Variants in HDGF observed in about 807,000 individuals in gnomAD.
HDGF encodes heparin binding growth factor.
HDGF carries 5 observed loss-of-function variants against 30.0 expected under a neutral mutation model. That is an observed-to-expected ratio of 0.17 (90% CI 0.09 to 0.35). The LOEUF (loss-of-function observed/expected upper bound fraction) is 0.35. Ranked by LOEUF, HDGF falls within the 10% of genes least tolerant of loss-of-function variation. HDGF has a pLI of 1.00. For synonymous variants in HDGF, 133 were observed against 112.7 expected, an observed-to-expected ratio of 1.18 and a Z score of -1.14; for missense variants, 214 against 302.8, an observed-to-expected ratio of 0.71 and a Z score of 2.18.
upstream of HDGF, chr1:156,752,064 T>A (rs555897614): frequency 6.4e-7 from 1 of 1,551,526 alleles, no homozygotes; most frequent in South Asian, 1.2e-5. Flanking sequence ...CAGTTAAGTG[T>A]GGACGTCTGT....
chr1:156,745,176 A>G, intron 2 of HDGF, 30 bp from the exon 3 acceptor site: 1 of 1,613,708 alleles, frequency 6.2e-7, no homozygotes, highest in Non-Finnish European at 8.5e-7. Flanking sequence ...TGTGCTCTCA[A>G]GCCCCTCACT....
chr1:156,755,037 G>A (rs961148308), upstream of HDGF, among the ~76,000 whole-genome samples: 4 of 152,198 alleles, frequency 2.6e-5, no homozygotes, highest in African/African-American at 9.7e-5. Context: ...TGTTGCTGCT[G>A]CTTAGAACCA....
upstream of HDGF, among the ~76,000 whole-genome samples, chr1:156,754,781 T>TA (rs1651127901): frequency 6.6e-6 from 1 of 152,100 alleles, no homozygotes; most frequent in South Asian, 2.1e-4. Flanking sequence ...CCGTCTCTAC[T>TA]AAAAATACAA....
chr1:156,753,121 G>T (rs1018233069), upstream of HDGF, among the ~76,000 whole-genome samples: 7 of 152,208 alleles, frequency 4.6e-5, no homozygotes, highest in Non-Finnish European at 5.9e-5. Context: ...GCCTGCAGTT[G>T]TTCCCAGAGT....
Position 156,743,830 on chromosome 1 carries a change from TCTC to T in HDGF, c.535_537del (p.Glu179del). On this transcript the variant is annotated inframe_deletion, in exon 5 of 6. Coordinates refer to ENST00000357325, the MANE Select transcript of HDGF (RefSeq NM_004494.3). ...TCAACCTCCAAGGTGGCTGCCTCCT[TCTC>T]CTCTCCTTCAGGGTTTTCTGCCTCC... 6.2e-7 allele frequency: 1 copy of T among 1,612,612 alleles called. No individual in the cohort carries two copies. The highest frequency in any genetic ancestry group is 8.5e-7 in the Non-Finnish European group (1 of 1,179,266).
chr1:156,764,081 T>TTTTGTTTGTTTG (rs56669278), intron 1 of HDGF, among the ~76,000 whole-genome samples: 8 of 150,884 alleles, frequency 5.3e-5, no homozygotes, highest in African/African-American at 2.0e-4. Context: ...TTTTTTCTGT[T>TTTTGTTTGTTTG]TTTGTTTGTT....
chr1:156,743,845 G>T lies in HDGF; in HGVS notation c.523C>A (p.Pro175Thr), dbSNP rs761289151. The T allele has an allele frequency of 1.2e-6, 2 of 1,613,442 alleles. No individual in the cohort carries two copies. The highest frequency in any genetic ancestry group is 1.7e-6 in the Non-Finnish European group (2 of 1,179,678). ...SPKRPKEAENPEGEEKEAATL... is the reference protein window; with the variant it reads ...SPKRPKEAENTEGEEKEAATL... ...GCTGCCTCCTTCTCCTCTCCTTCAG[G>T]GTTTTCTGCCTCCTTGGGACGTTTA... Residue 175 changes from proline (P) to threonine (T), a missense_variant, in exon 5 of 6, where the codon CCT becomes ACT. Physicochemically the swap from Pro to Thr is conservative, Grantham distance 38 (BLOSUM62 -1). Coordinates refer to ENST00000357325, the MANE Select transcript of HDGF (RefSeq NM_004494.3).
At position 156,743,637 on chromosome 1, in the gene HDGF, AG is replaced by A; in HGVS notation, c.716+14del. ...CCCCTAGTCCAGCTGCCAAGGGGTCAGGGGGCTCACTCACCTCTCATGATCT... is the reference window on the plus strand; with the variant it reads ...CCCCTAGTCCAGCTGCCAAGGGGTCAGGGGCTCACTCACCTCTCATGATCT... On this transcript the variant is annotated intron_variant, in intron 5 of 5. Transcript: ENST00000357325. The A allele has an allele frequency of 6.3e-7, 1 of 1,598,500 alleles. No individual in the cohort carries two copies. The highest frequency in any genetic ancestry group is 8.6e-7 in the Non-Finnish European group (1 of 1,165,918).
chr1:156,751,681 C>G, upstream of HDGF: 2 of 1,113,606 alleles, frequency 1.8e-6, no homozygotes, highest in East Asian at 6.1e-5. The surrounding 1 kb of genome is among the most constrained non-coding windows in gnomAD (Gnocchi z 4.7). Flanking sequence ...GTTTGAAATT[C>G]AATTGCTCCC....
At chr1:156,746,085 C>T (rs1650523470) in intron 1 of HDGF, among the ~76,000 whole-genome samples, 1 of 152,230 alleles carries the variant, frequency 6.6e-6, no homozygotes, top group Non-Finnish European at 1.5e-5. Context: ...ATAGCCTCAG[C>T]TCCGCCATTA....
In HDGF at chr1:156,751,557, G is replaced by C. The variant is rs1650979638; in HGVS notation, c.-128C>G. The stretch of plus-strand genomic sequence containing the variant: ...GGCCCCCGCCTCGATGGTGGCCCCC[G>C]GCCCGAGCTCCGGCGCGGCCACGGC... On this transcript the variant is annotated 5_prime_UTR_variant, in exon 1 of 6. Transcript: ENST00000357325. The surrounding 1 kb of genome is among the most constrained non-coding windows in gnomAD (Gnocchi z 4.7). The C allele has an allele frequency of 1.0e-6, 1 of 993,586 alleles. No homozygotes were observed. The highest frequency in any genetic ancestry group is 1.2e-6 in the Non-Finnish European group (1 of 835,278). The allele number at this position is 993,586 out of a possible 1,614,324, so 61.5% of individuals were successfully genotyped here. A position where few individuals can be genotyped will look rare whatever the true frequency, so the allele number is the denominator to read the frequency against.
chr1:156,758,885 G>C (rs1651198224), intron 2 of HDGF: 1 of 152,350 alleles, frequency 6.6e-6, no homozygotes, highest in Non-Finnish European at 1.5e-5. Context: ...TGAACTTCTA[G>C]AAGCTTTATC....
intron 1 of HDGF, among the ~76,000 whole-genome samples, chr1:156,761,637 A>C (rs1226813384): frequency 6.8e-6 from 1 of 146,500 alleles, no homozygotes; most frequent in Non-Finnish European, 1.5e-5. Flanking sequence ...AAACAAAAAA[A>C]AAACCATAAA....
chr1:156,743,610 C>T (rs770751217), intron 5 of HDGF, 42 bp downstream of exon 5: 1 of 1,551,300 alleles, frequency 6.4e-7, no homozygotes, highest in Non-Finnish European at 8.9e-7. Flanking sequence ...AGTGGCCGGT[C>T]CCCCCTAGTC....
At chr1:156,748,118 A>G (rs1650717492) in intron 1 of HDGF, among the ~76,000 whole-genome samples, 2 of 152,284 alleles carry the variant, frequency 1.3e-5, no homozygotes, top group African/African-American at 4.8e-5. Flanking sequence ...CCCCCAAAGC[A>G]TCATCCCACC....
chr1:156,765,692 C>T (rs1306007252), intron 1 of HDGF, among the ~76,000 whole-genome samples: 2 of 151,892 alleles, frequency 1.3e-5, no homozygotes, highest in African/African-American at 2.4e-5. Flanking sequence ...CCAGGCTGGT[C>T]TCAAACTCCT....
intron 1 of HDGF, among the ~76,000 whole-genome samples, chr1:156,759,479 C>CTTTTTTTTTTT (rs540212944): frequency 1.6e-5 from 2 of 124,612 alleles, no homozygotes; most frequent in Non-Finnish European, 3.3e-5. Flanking sequence ...ATACCCCATT[C>CTTTTTTTTTTT]TTTTTTTTTT....
chr1:156,764,468 A>AT (rs1293923150), intron 1 of HDGF, among the ~76,000 whole-genome samples: 1 of 152,156 alleles, frequency 6.6e-6, no homozygotes. Flanking sequence ...AAGTGCTGGG[A>AT]TTACAGGCGT....
At chr1:156,759,818 T>C (rs529069397) in intron 1 of HDGF, among the ~76,000 whole-genome samples, 1 of 152,350 alleles carries the variant, frequency 6.6e-6, no homozygotes, top group South Asian at 2.1e-4. Flanking sequence ...ACAATGTTTC[T>C]GTGTCATAAA....
Sources: gnomAD v4.1 joint callset for allele counts (sites outside exome capture counted in the v4.1 genomes callset) on GRCh38, gnomAD v4.1.1 for gene constraint, Gnocchi (gnomAD v3.1) non-coding constraint, MANE v1.5 for transcripts, NCBI Gene and HGNC (gene_info 2026-07-23, HGNC 2026-07-21) for gene names.